PAFAH1B1: variants seen among roughly 807,000 people sequenced by gnomAD.
PAFAH1B1 encodes the protein platelet-activating factor acetylhydrolase IB subunit beta.
In PAFAH1B1, 2 loss-of-function variants were observed where a neutral mutation model predicts 57.5. That is an observed-to-expected ratio of 0.03 (90% CI 0.01 to 0.11). The LOEUF is 0.11. PAFAH1B1 is among the 10% of genes least tolerant of loss of function. The pLI, the probability that PAFAH1B1 is intolerant of heterozygous loss-of-function variation, is 1.00. For synonymous variants in PAFAH1B1, 152 were observed against 169.6 expected (o/e 0.90, Z 0.81); for missense variants, 257 against 512.0 (o/e 0.50, Z 4.81).
chr17:2,673,814 A>C, intron 7 of PAFAH1B1: 1 of 474,440 alleles, frequency 2.1e-6, no homozygotes, highest in Non-Finnish European at 3.8e-6. Flanking sequence ...GTGTGCATTT[A>C]GTTTTGAAAG....
intron 1 of PAFAH1B1, among the ~76,000 whole-genome samples, chr17:2,605,073 T>C (rs74444987): frequency 1.8e-4 from 28 of 152,254 alleles, no homozygotes; most frequent in African/African-American, 6.5e-4. Context: ...TTTGGAGAGA[T>C]TATGCAGGTG....
At chr17:2,654,657 T>G (rs2068913231) in intron 2 of PAFAH1B1, among the ~76,000 whole-genome samples, 1 of 152,160 alleles carries the variant, frequency 6.6e-6, no homozygotes, top group South Asian at 2.1e-4. Flanking sequence ...TTGTTTGTTT[T>G]TTGAGATAGT....
At chr17:2,647,719 G>A (rs1008301521) in intron 2 of PAFAH1B1, among the ~76,000 whole-genome samples, 1 of 152,072 alleles carries the variant, frequency 6.6e-6, no homozygotes, top group Non-Finnish European at 1.5e-5. Context: ...AAAGGAGAGA[G>A]GGCAGCCGGG....
chr17:2,637,452 T>C (rs935120061), intron 1 of PAFAH1B1, among the ~76,000 whole-genome samples: 1 of 152,036 alleles, frequency 6.6e-6, no homozygotes, highest in Admixed American at 6.6e-5. Context: ...GGCATGGTGG[T>C]GTGTGCCTGT....
intron 2 of PAFAH1B1, among the ~76,000 whole-genome samples, chr17:2,650,358 G>T (rs797001523): frequency 6.6e-6 from 1 of 151,852 alleles, no homozygotes; most frequent in Non-Finnish European, 1.5e-5. Context: ...CTGAAAATAC[G>T]AACATTAGCC....
chr17:2,629,013 ATTTTG>A (rs1250955443), intron 1 of PAFAH1B1, among the ~76,000 whole-genome samples: 1 of 151,918 alleles, frequency 6.6e-6, no homozygotes, highest in Non-Finnish European at 1.5e-5. Flanking sequence ...TGGTCTATCA[ATTTTG>A]TTTTATCTTT....
chr17:2,598,204 G>C (rs555321610), intron 1 of PAFAH1B1, among the ~76,000 whole-genome samples: 45 of 152,044 alleles, frequency 3.0e-4, no homozygotes, highest in African/African-American at 9.9e-4. Context: ...AGCCGAGATC[G>C]CACCATTACG....
chr17:2,630,296 G>A (rs1042679375), intron 1 of PAFAH1B1, among the ~76,000 whole-genome samples: 5 of 152,088 alleles, frequency 3.3e-5, no homozygotes, highest in Admixed American at 2.0e-4. Context: ...TCTTGTAATG[G>A]TGGCTTGGTA....
chr17:2,619,316 G>A (rs1435611358), intron 1 of PAFAH1B1, among the ~76,000 whole-genome samples: 1 of 151,820 alleles, frequency 6.6e-6, no homozygotes, highest in East Asian at 1.9e-4. Context: ...CACCACACCC[G>A]GCTAATTAAA....
intron 1 of PAFAH1B1, among the ~76,000 whole-genome samples, chr17:2,606,350 T>C (rs760167225): frequency 5.3e-5 from 8 of 152,036 alleles, no homozygotes; most frequent in African/African-American, 9.7e-5. Context: ...GGAAAAAAAG[T>C]GCTTTTTGAG....
chr17:2,652,255 A>C (rs1372259296), intron 2 of PAFAH1B1, among the ~76,000 whole-genome samples: 11 of 146,694 alleles, frequency 7.5e-5, no homozygotes, highest in African/African-American at 2.8e-4. Flanking sequence ...CTAAAAATAC[A>C]AAAAAAAAAA....
intron 5 of PAFAH1B1, among the ~76,000 whole-genome samples, chr17:2,668,657 C>T (rs553221141): frequency 2.0e-5 from 3 of 151,254 alleles, no homozygotes; most frequent in South Asian, 2.1e-4. Context: ...CCAGCCTGGG[C>T]GAAGAGTGAG....
intron 2 of PAFAH1B1, among the ~76,000 whole-genome samples, chr17:2,657,863 C>A (rs2068958269): frequency 6.6e-6 from 1 of 152,130 alleles, no homozygotes; most frequent in African/African-American, 2.4e-5. Flanking sequence ...AAGCACTCAT[C>A]CCTTCTTCCT....
rs577782893 is a variant in PAFAH1B1 at position 2,651,425 on chromosome 17, A to G, written c.32+13105A>G. 2.6e-5 allele frequency among the ~76,000 whole-genome samples: 4 copies of G among 151,496 alleles called. No homozygotes were observed. The East Asian group carries it at 7.7e-4, about 29-fold the overall frequency. The stretch of plus-strand genomic sequence containing the variant: ...AACCCCGTCTCTACAAAAAAAAAAA[A>G]AAAAAAAAATTAGCTGGGCATGGTG... On this transcript the variant is annotated intron_variant, in intron 2 of 10. Transcript: ENST00000397195.
At chr17:2,673,584 A>C (rs1309384363) in intron 7 of PAFAH1B1, 2 of 165,788 alleles carry the variant, frequency 1.2e-5, no homozygotes, top group Non-Finnish European at 2.6e-5. Context: ...GCCTGCAGTG[A>C]GCCGAGATCG....
rs2439997 is a variant in PAFAH1B1, at chr17:2,634,677, A to G, written c.-190-3422A>G. On this transcript the variant is annotated intron_variant, in intron 1 of 10. Coordinates refer to ENST00000397195, the MANE Select transcript of PAFAH1B1 (RefSeq NM_000430.4). Reference sequence around the variant, plus strand: ...TAAGTGAGTGATTTTTTTTTTTCCTAAAATCTTATCTAATGGCTCCCTATT... The same window carrying G: ...TAAGTGAGTGATTTTTTTTTTTCCTGAAATCTTATCTAATGGCTCCCTATT... 9.7e-3 allele frequency among the ~76,000 whole-genome samples: 1,470 copies of G among 151,022 alleles called. 28 individuals are homozygous for G. The highest frequency in any genetic ancestry group is 0.034 in the African/African-American group (1,391 of 41,182).
At chr17:2,622,545 G>A (rs1427934230) in intron 1 of PAFAH1B1, among the ~76,000 whole-genome samples, 1 of 152,204 alleles carries the variant, frequency 6.6e-6, no homozygotes, top group Admixed American at 6.5e-5. Context: ...GATGCAAGAG[G>A]TGGGTTCCCA....
intron 5 of PAFAH1B1, 70 bp from the exon 6 acceptor site, chr17:2,670,093 C>G (rs544993391): frequency 7.6e-7 from 1 of 1,321,898 alleles, no homozygotes; most frequent in Non-Finnish European, 1.1e-6. Flanking sequence ...GACTGGCCTG[C>G]TGAGTGCAAA....
At chr17:2,673,489 A>T (rs1329965180) in intron 7 of PAFAH1B1, among the ~76,000 whole-genome samples, 1 of 151,900 alleles carries the variant, frequency 6.6e-6, no homozygotes, top group East Asian at 1.9e-4. Context: ...AATACAAAAA[A>T]TTAGCCGGGC....
Sources: gnomAD v4.1 joint callset for allele counts (sites outside exome capture counted in the v4.1 genomes callset) on GRCh38, gnomAD v4.1.1 for gene constraint, MANE v1.5 for transcripts, NCBI Gene and HGNC (gene_info 2026-07-23, HGNC 2026-07-21) for gene names.